The following ARHGEF3 variants were observed in gnomAD, a reference collection of about 807,000 sequenced individuals.
The protein encoded by ARHGEF3 is Rho guanine nucleotide exchange factor 3, also known as 59.8 kDA protein.
In ARHGEF3, 28 loss-of-function variants were observed where a neutral mutation model predicts 63.2. That is an observed-to-expected ratio of 0.44 (90% CI 0.33 to 0.61). The LOEUF is 0.61. Ranked by LOEUF, ARHGEF3 falls within the 20% of genes least tolerant of loss-of-function variation. ARHGEF3 has a pLI of 0.03. For synonymous variants in ARHGEF3, 266 were observed against 254.2 expected (o/e 1.05, Z -0.44); for missense variants, 533 against 659.3 (o/e 0.81, Z 2.10).
chr3:56,769,244 G>A (rs570772713), intron 2 of ARHGEF3, among the ~76,000 whole-genome samples: 1 of 152,348 alleles, frequency 6.6e-6, no homozygotes, highest in East Asian at 1.9e-4. Context: ...AACAGCTGTG[G>A]ACAGGGAGAG....
intron 2 of ARHGEF3, among the ~76,000 whole-genome samples, chr3:57,030,135 T>C (rs1365631724): frequency 6.6e-6 from 1 of 152,190 alleles, no homozygotes; most frequent in South Asian, 2.1e-4. Flanking sequence ...CTGGGGCAAA[T>C]TGCAATTCTG....
At chr3:56,918,180 C>T (rs1423348727) in intron 3 of ARHGEF3, among the ~76,000 whole-genome samples, 1 of 152,164 alleles carries the variant, frequency 6.6e-6, no homozygotes, top group African/African-American at 2.4e-5. Flanking sequence ...GGGGACAATT[C>T]AGCCGATGAA....
At chr3:56,928,781 C>T (rs560919049) in intron 3 of ARHGEF3, among the ~76,000 whole-genome samples, 1 of 152,214 alleles carries the variant, frequency 6.6e-6, no homozygotes, top group South Asian at 2.1e-4. Flanking sequence ...GGGATTTAAG[C>T]CCCAGAGAGG....
intron 4 of ARHGEF3, among the ~76,000 whole-genome samples, chr3:56,839,756 T>C (rs751250125): frequency 6.6e-6 from 1 of 152,148 alleles, no homozygotes; most frequent in Non-Finnish European, 1.5e-5. Flanking sequence ...CAAATCATCA[T>C]TGCAAGGATG....
intron 4 of ARHGEF3, among the ~76,000 whole-genome samples, chr3:56,834,108 T>C (rs866028586): frequency 1.3e-5 from 2 of 152,276 alleles, no homozygotes; most frequent in African/African-American, 4.8e-5. Context: ...TTTCACCATA[T>C]TGGCCAGGCT....
chr3:57,055,978 A>C (rs866812718), intron 1 of ARHGEF3, among the ~76,000 whole-genome samples: 4 of 152,246 alleles, frequency 2.6e-5, no homozygotes, highest in African/African-American at 7.2e-5. Context: ...TCTGGCTGTC[A>C]GATCTGCTGG....
rs528110241 is a variant in ARHGEF3 at position 56,980,709 on chromosome 3, A to G, written c.63-21820T>C. Among the ~76,000 whole-genome samples, 11 of 152,382 alleles carry G rather than the reference A, an allele frequency of 7.2e-5. No homozygotes were observed. The South Asian group carries it at 2.3e-3, about 32-fold the overall frequency. ...ACAGTAGTCATTATTCTGGCTGACAAGAACCTGAAGTATGTTCTCCTACGA... is the reference window on the plus strand; with the variant it reads ...ACAGTAGTCATTATTCTGGCTGACAGGAACCTGAAGTATGTTCTCCTACGA... On this transcript the variant is annotated intron_variant, in intron 2 of 12. Transcript: ENST00000338458.
intron 4 of ARHGEF3, among the ~76,000 whole-genome samples, chr3:56,809,160 G>A (rs1194677291): frequency 6.6e-6 from 1 of 152,148 alleles, no homozygotes; most frequent in Non-Finnish European, 1.5e-5. Context: ...AAACCTGACC[G>A]TTGGCTGAAT....
chr3:56,992,193 G>C (rs1289495306), intron 2 of ARHGEF3, among the ~76,000 whole-genome samples: 1 of 151,382 alleles, frequency 6.6e-6, no homozygotes, highest in Non-Finnish European at 1.5e-5. Context: ...CATCCTGCTA[G>C]TTCGCTCATT....
At chr3:57,075,231 T>C (rs1056088385) in intron 1 of ARHGEF3, 4 of 167,140 alleles carry the variant, frequency 2.4e-5, no homozygotes, top group African/African-American at 9.7e-5. Flanking sequence ...CCCAGCTTCA[T>C]CTCCATTACA....
At chr3:56,860,720 T>C (rs1413411927) in intron 4 of ARHGEF3, among the ~76,000 whole-genome samples, 1 of 152,134 alleles carries the variant, frequency 6.6e-6, no homozygotes, top group Non-Finnish European at 1.5e-5. Flanking sequence ...CCAATCCAAG[T>C]TTAGAGACCC....
chr3:56,802,815 G>A (rs1265768956), upstream of ARHGEF3, among the ~76,000 whole-genome samples: 1 of 152,086 alleles, frequency 6.6e-6, no homozygotes, highest in African/African-American at 2.4e-5. Flanking sequence ...CCCTGTCTGG[G>A]GCAGTAAAAA....
intron 7 of ARHGEF3, among the ~76,000 whole-genome samples, chr3:56,744,527 T>G (rs1390950462): frequency 2.0e-5 from 3 of 151,814 alleles, no homozygotes; most frequent in African/African-American, 7.3e-5. Flanking sequence ...CCTTCCTGAG[T>G]AGCTGGGATT....
chr3:56,899,845 A>T (rs2041446192), intron 3 of ARHGEF3, among the ~76,000 whole-genome samples: 2 of 152,142 alleles, frequency 1.3e-5, no homozygotes, highest in South Asian at 4.1e-4. Flanking sequence ...TTTGGAGAAG[A>T]TGTGAACCAC....
At chr3:56,965,636 AACT>A (rs901352291) in intron 2 of ARHGEF3, among the ~76,000 whole-genome samples, 14 of 150,968 alleles carry the variant, frequency 9.3e-5, no homozygotes, top group African/African-American at 3.4e-4. Context: ...GATTAAATGA[AACT>A]ACATTCTTTT....
chr3:56,916,054 GCT>G (rs2108351643), intron 3 of ARHGEF3, among the ~76,000 whole-genome samples: 1 of 152,200 alleles, frequency 6.6e-6, no homozygotes, highest in African/African-American at 2.4e-5. Context: ...ACGCCACTCA[GCT>G]CACCCTCGCA....
chr3:56,882,037 C>T (rs1474768053), intron 4 of ARHGEF3, among the ~76,000 whole-genome samples: 1 of 152,340 alleles, frequency 6.6e-6, no homozygotes, highest in African/African-American at 2.4e-5. Context: ...TACCCAGATG[C>T]ACTGAGTTCA....
chr3:56,906,785 C>CA (rs1199852972), intron 3 of ARHGEF3, among the ~76,000 whole-genome samples: 3 of 149,014 alleles, frequency 2.0e-5, no homozygotes, highest in Middle Eastern at 6.9e-3. Flanking sequence ...TGCAGTGAGC[C>CA]AAAATCACAC....
At chr3:56,996,890 A>ATTATTATTT (rs1553801009) in intron 2 of ARHGEF3, among the ~76,000 whole-genome samples, 6 of 136,510 alleles carry the variant, frequency 4.4e-5, no homozygotes, top group Non-Finnish European at 9.4e-5. Flanking sequence ...TATTATTATT[A>ATTATTATTT]TTTTTTTTTT....
Sources: gnomAD v4.1 joint callset for allele counts (sites outside exome capture counted in the v4.1 genomes callset) on GRCh38, gnomAD v4.1.1 for gene constraint, MANE v1.5 for transcripts, NCBI Gene and HGNC (gene_info 2026-07-23, HGNC 2026-07-21) for gene names.